The following EYA1 variants were observed in gnomAD, a reference collection of about 807,000 sequenced individuals.
The protein encoded by EYA1 is EYA transcriptional coactivator and phosphatase 1, also known as protein phosphatase EYA1.
In EYA1, 16 loss-of-function variants were observed where a neutral mutation model predicts 82.0. The observed-to-expected ratio is 0.20, with a 90% confidence interval of 0.13 to 0.30. The LOEUF (loss-of-function observed/expected upper bound fraction) is 0.30, where lower values mean the gene tolerates loss of function less well. EYA1 is among the 10% of genes least tolerant of loss of function. EYA1 has a pLI of 1.00. For synonymous variants in EYA1, 261 were observed against 264.4 expected, an observed-to-expected ratio of 0.99 and a Z score of 0.12; for missense variants, 633 against 730.7, an observed-to-expected ratio of 0.87 and a Z score of 1.54.
chr8:71,416,483 A>G (rs181834341), intron 2 of EYA1, among the ~76,000 whole-genome samples: 1 of 152,206 alleles, frequency 6.6e-6, no homozygotes, highest in Non-Finnish European at 1.5e-5. Context: ...GAGATGCAAA[A>G]TGGAAAAACA....
chr8:71,408,090 T>G (rs1374515841), intron 2 of EYA1, among the ~76,000 whole-genome samples: 3 of 151,930 alleles, frequency 2.0e-5, no homozygotes, highest in Admixed American at 1.3e-4. Context: ...AGAAAAGAAT[T>G]TTCAACACAG....
chr8:71,439,570 C>T (rs75493198), intron 2 of EYA1, among the ~76,000 whole-genome samples: 256 of 152,346 alleles, frequency 1.7e-3, no homozygotes, highest in Middle Eastern at 6.8e-3. Flanking sequence ...AGTAAACACT[C>T]ATTGGGCTCC....
chr8:71,499,901 G>A (rs1003182725), intron 2 of EYA1, among the ~76,000 whole-genome samples: 4 of 152,172 alleles, frequency 2.6e-5, no homozygotes, highest in Admixed American at 2.6e-4. Context: ...GATAATGTTG[G>A]CAATTATTTT....
intron 9 of EYA1, among the ~76,000 whole-genome samples, chr8:71,277,406 C>G (rs1222485271): frequency 6.6e-6 from 1 of 152,054 alleles, no homozygotes; most frequent in African/African-American, 2.4e-5. Flanking sequence ...CCTGCCTCAG[C>G]CTCCCAAAGC....
Position 71,361,718 on chromosome 8 carries a change from C to T in EYA1, c.-126G>A, listed in dbSNP as rs1827391933. ...TTTTCTGGGTTAGCAAACCTCCATT[C>T]CTGACATAGTTTTGCTCCTGGATGG... On this transcript the variant is annotated 5_prime_UTR_variant, in exon 1 of 18. Coordinates refer to ENST00000340726, the MANE Select transcript of EYA1 (RefSeq NM_000503.6). The T allele has an allele frequency of 2.0e-6, 2 of 985,508 alleles. No individual in the cohort carries two copies. Among genetic ancestry groups the T allele is most frequent in the African/African-American group, 3.5e-5 (2 of 57,374 alleles). 61.0% of individuals were successfully genotyped at this position (985,508 alleles called of 1,614,324 possible).
At chr8:71,486,010 T>G (rs1188423398) in intron 2 of EYA1, among the ~76,000 whole-genome samples, 1 of 152,190 alleles carries the variant, frequency 6.6e-6, no homozygotes, top group Non-Finnish European at 1.5e-5. Context: ...AAATAGAGTT[T>G]AATTAGCACC....
chr8:71,360,447 C>T (rs1586543122), intron 1 of EYA1, among the ~76,000 whole-genome samples: 2 of 152,282 alleles, frequency 1.3e-5, no homozygotes, highest in Admixed American at 1.3e-4. Context: ...GAAACTCACA[C>T]AGCAGTGGAC....
chr8:71,257,203 A>G (rs948437104), intron 11 of EYA1, among the ~76,000 whole-genome samples: 18 of 152,140 alleles, frequency 1.2e-4, no homozygotes, highest in African/African-American at 4.1e-4. Context: ...TTTGTTTTGA[A>G]AAATCATCCT....
At chr8:71,439,652 G>C (rs1806265468) in intron 2 of EYA1, among the ~76,000 whole-genome samples, 1 of 152,196 alleles carries the variant, frequency 6.6e-6, no homozygotes, top group African/African-American at 2.4e-5. Flanking sequence ...TGGAAATAGA[G>C]TTGTAAAGCT....
chr8:71,392,420 G>A (rs1302133937), intron 2 of EYA1, among the ~76,000 whole-genome samples: 1 of 151,972 alleles, frequency 6.6e-6, no homozygotes, highest in African/African-American at 2.4e-5. Context: ...GAAAAAATGG[G>A]GCTTACTCCT....
At chr8:71,308,448 TG>T (rs760062606) in intron 7 of EYA1, among the ~76,000 whole-genome samples, 12 of 152,220 alleles carry the variant, frequency 7.9e-5, no homozygotes, top group East Asian at 3.9e-4. Flanking sequence ...GAAAGAGTGG[TG>T]GCCTTGTCAA....
intron 2 of EYA1, among the ~76,000 whole-genome samples, chr8:71,464,509 A>T (rs1006197719): frequency 6.6e-6 from 1 of 152,248 alleles, no homozygotes; most frequent in Non-Finnish European, 1.5e-5. Flanking sequence ...CTCAACAGGC[A>T]ATGCAACGGG....
Position 71,216,818 on chromosome 8 carries a change from C to T in EYA1, c.1234G>A (p.Ala412Thr). 6.2e-7 allele frequency: 1 copy of T among 1,614,160 alleles called. No individual in the cohort carries two copies. Among genetic ancestry groups the T allele is most frequent in the Non-Finnish European group, 8.5e-7 (1 of 1,180,014 alleles). ...YNFGTDGFPA[A>T]ATSANLCLAT... ...AAACATAAGTTAGCACTGGTTGCTG[C>T]AGCAGGAAAGCCATCTGTTCCAAAG... Residue 412 changes from alanine to threonine, a missense_variant, in exon 14 of 18, where the codon GCA becomes ACA. Ala to Thr is a moderately conservative substitution (Grantham distance 58). Coordinates refer to ENST00000340726, the MANE Select transcript of EYA1 (RefSeq NM_000503.6).
intron 2 of EYA1, among the ~76,000 whole-genome samples, chr8:71,407,989 T>A (rs972321237): frequency 1.1e-4 from 17 of 151,080 alleles, no homozygotes; most frequent in Non-Finnish European, 2.2e-4. Context: ...CGGGTTACCC[T>A]CAAAGGGAAG....
chr8:71,285,956 C>T (rs371852776), intron 9 of EYA1, among the ~76,000 whole-genome samples: 1 of 152,118 alleles, frequency 6.6e-6, no homozygotes, highest in Admixed American at 6.5e-5. Context: ...AATAACTATA[C>T]AGTCAACTTT....
At chr8:71,439,164 C>CT (rs1563615029) in intron 2 of EYA1, among the ~76,000 whole-genome samples, 3 of 152,160 alleles carry the variant, frequency 2.0e-5, no homozygotes, top group South Asian at 4.2e-4. Context: ...AGGTTAAAAC[C>CT]TTTTTTCCTG....
chr8:71,235,950 T>C (rs16937526), intron 12 of EYA1, among the ~76,000 whole-genome samples: 6,265 of 152,296 alleles, frequency 0.041, 411 homozygotes, highest in African/African-American at 0.14. Context: ...CTGATCACTT[T>C]TAAACTTGAA....
chr8:71,293,780 A>AG (rs1819265856), intron 9 of EYA1, among the ~76,000 whole-genome samples: 1 of 150,068 alleles, frequency 6.7e-6, no homozygotes, highest in Non-Finnish European at 1.5e-5. Flanking sequence ...AAGGGGAGAG[A>AG]GCTTCCTAAA....
chr8:71,322,352 C>T, intron 4 of EYA1, 84 bp from the exon 5 acceptor site: 1 of 1,211,012 alleles, frequency 8.3e-7, no homozygotes, highest in Non-Finnish European at 1.2e-6. Context: ...ATATTTTCAA[C>T]TATAGGTTGG....
Sources: gnomAD v4.1 joint callset for allele counts (sites outside exome capture counted in the v4.1 genomes callset) on GRCh38, gnomAD v4.1.1 for gene constraint, MANE v1.5 for transcripts, NCBI Gene and HGNC (gene_info 2026-07-23, HGNC 2026-07-21) for gene names.